Variants in MYO15B observed in about 807,000 individuals in gnomAD.
MYO15B encodes the protein myosin XVB.
In MYO15B, 207 loss-of-function variants were observed where a neutral mutation model predicts 119.3. That is an observed-to-expected ratio of 1.73 (90% confidence interval 1.55 to 1.95). The LOEUF (loss-of-function observed/expected upper bound fraction) is 1.95. Ranked by LOEUF, MYO15B falls within the 30% of genes most tolerant of loss-of-function variation. The pLI is 0.00. For synonymous variants in MYO15B, 966 were observed against 498.9 expected, an observed-to-expected ratio of 1.94 and a Z score of -12.48; for missense variants, 2,264 against 1,203.1, an observed-to-expected ratio of 1.88 and a Z score of -13.04.
chr17:75,589,028 C>T lies in MYO15B; in HGVS notation c.971C>T (p.Ala324Val), dbSNP rs1410496411. Residue 324 changes from alanine (A) to valine (V), a missense_variant, in exon 1 of 64, where the codon GCA (alanine) becomes GTA (valine). By Grantham distance (64) the Ala-to-Val change is moderately conservative. Coordinates refer to ENST00000645453, the Ensembl canonical transcript of MYO15B. The surrounding 1 kb of genome is among the most constrained non-coding windows in gnomAD (Gnocchi z 4.2). ...GGCGAGGGCGAAGCGGGAGCCGCAG[C>T]AGGAGCGGGGCCGGAGGACCCAGCC... 1.3e-5 allele frequency: 5 copies of T among 397,290 alleles called. No individual in the cohort carries two copies. Among genetic ancestry groups the T allele is most frequent in the Non-Finnish European group, 2.2e-5 (5 of 225,238 alleles). 24.6% of individuals were successfully genotyped at this position (397,290 alleles called of 1,614,324 possible).
At chr17:75,604,430 G>C (rs1449838680) in intron 19 of MYO15B, among the ~76,000 whole-genome samples, 1 of 151,448 alleles carries the variant, frequency 6.6e-6, no homozygotes, top group Non-Finnish European at 1.5e-5. Flanking sequence ...ATCTGGACCT[G>C]TGAAATGTCC....
chr17:75,596,841 T>C (rs1241676776), exon 14 of MYO15B: 7 of 702,972 alleles, frequency 1.0e-5, no homozygotes, highest in Non-Finnish European at 1.8e-5. Context: ...CTAGACCTCC[T>C]GGTAGATCAG....
At chr17:75,624,207 C>G in exon 56 of MYO15B, 1 of 702,980 alleles carries the variant, frequency 1.4e-6, no homozygotes, top group Admixed American at 2.0e-5. Flanking sequence ...GCACCTCCAG[C>G]GCACAGTCAA....
chr17:75,608,419 G>A (rs1176607898), intron 21 of MYO15B, among the ~76,000 whole-genome samples: 2 of 151,880 alleles, frequency 1.3e-5, no homozygotes, highest in Non-Finnish European at 2.9e-5. Flanking sequence ...CACTGCACCC[G>A]GCCTTTATTT....
intron 35 of MYO15B, 31 bp from the exon 36 acceptor site, chr17:75,615,662 G>C (rs1414437994): frequency 3.0e-6 from 2 of 668,398 alleles, no homozygotes; most frequent in Middle Eastern, 2.4e-4. Context: ...TCGGGGATGA[G>C]GGTCTGAACT....
chr17:75,592,718 G>A, exon 9 of MYO15B: 1 of 702,108 alleles, frequency 1.4e-6, no homozygotes, highest in Non-Finnish European at 2.6e-6. Context: ...GGATGCCCAG[G>A]ACTTTGAGGG....
At chr17:75,616,931 G>A (rs2058408887) in exon 40 of MYO15B, 1 of 702,834 alleles carries the variant, frequency 1.4e-6, no homozygotes, top group African/African-American at 1.7e-5. Flanking sequence ...TGGCCAAGCT[G>A]GGTATCAACG....
At chr17:75,592,872 G>C (rs1401365211) in intron 9 of MYO15B, 32 bp downstream of exon 9, 1 of 694,794 alleles carries the variant, frequency 1.4e-6, no homozygotes, top group Admixed American at 2.0e-5. Flanking sequence ...GGCCATCTGG[G>C]GTGCTGGGTC....
chr17:75,626,211 T>C (rs771416748), exon 63 of MYO15B: 11 of 703,008 alleles, frequency 1.6e-5, no homozygotes, highest in South Asian at 1.0e-4. Context: ...CCAGACCATC[T>C]GGTTTGAGCT....
At chr17:75,624,479 T>C (rs1227200641) in intron 57 of MYO15B, 32 bp downstream of exon 57, 2 of 703,014 alleles carry the variant, frequency 2.8e-6, no homozygotes, top group Non-Finnish European at 5.2e-6. Flanking sequence ...GGAGGAGGCC[T>C]TGGGCATCAG....
In MYO15B at chr17:75,623,934, C is replaced by T. The variant is rs902958843; in HGVS notation, c.8157-15C>T. The T allele has an allele frequency of 7.8e-5, 55 of 702,738 alleles. No homozygotes were observed. Among genetic ancestry groups the T allele is most frequent in the East Asian group, 1.1e-4 (4 of 37,292 alleles). 43.5% of individuals were successfully genotyped at this position (702,738 alleles called of 1,614,324 possible). ...TGGCCTGGCCAGCCTGAAGCCCGAG[C>T]GCTCTGCCCTGCAGGGAACACTGCA... On this transcript the variant is annotated splice_polypyrimidine_tract_variant and intron_variant, in intron 54 of 63. Transcript: ENST00000645453.
chr17:75,622,153 C>G, intron 53 of MYO15B, 73 bp downstream of exon 53: 1 of 691,812 alleles, frequency 1.4e-6, no homozygotes, highest in Non-Finnish European at 2.7e-6. Context: ...ATCCCCTTCT[C>G]TTGGTCACTG....
At chr17:75,598,809 C>A (rs992258132) in intron 14 of MYO15B, among the ~76,000 whole-genome samples, 1 of 152,020 alleles carries the variant, frequency 6.6e-6, no homozygotes, top group Non-Finnish European at 1.5e-5. Context: ...AAACTTGTCA[C>A]GAGTGTCTTT....
At position 75,603,121 on chromosome 17, in the gene MYO15B, C is replaced by T. The variant is rs755208775; in HGVS notation, c.3891+44C>T. On this transcript the variant is annotated intron_variant, in intron 18 of 63. Coordinates refer to ENST00000645453, the Ensembl canonical transcript of MYO15B. Reference sequence around the variant, plus strand: ...GGCCTCAGGGCCCTCCCCCTCCCTGCACCTCCCTCCCCACAGCTCTAGGCC... The same window carrying T: ...GGCCTCAGGGCCCTCCCCCTCCCTGTACCTCCCTCCCCACAGCTCTAGGCC... 3.1e-5 allele frequency: 22 copies of T among 703,026 alleles called. No homozygotes were observed. The Admixed American group carries it at 3.6e-4, about 12-fold the overall frequency. The allele number at this position is 703,026 out of a possible 1,614,324, so 43.5% of individuals were successfully genotyped here. A position where few individuals can be genotyped will look rare whatever the true frequency, so the allele number is the denominator to read the frequency against.
chr17:75,616,145 T>C (rs1336984133), exon 37 of MYO15B: 1 of 562,598 alleles, frequency 1.8e-6, no homozygotes, highest in African/African-American at 1.9e-5. Flanking sequence ...TTCCAGAGGA[T>C]GGGTGAGGGC....
chr17:75,617,573 G>A, intron 41 of MYO15B: 1 of 332,440 alleles, frequency 3.0e-6, no homozygotes, highest in Non-Finnish European at 5.8e-6. Flanking sequence ...CTGTGAGGAA[G>A]TTAGTGGCCC....
rs1171403747 is a variant in MYO15B at position 75,615,491 on chromosome 17, C to T, written c.5741-12C>T. ...TGGTGCCCACCACTCTGGCCGCCTG[C>T]CGCCCTCACAGCCATGGTGGTGCCG... On this transcript the variant is annotated splice_polypyrimidine_tract_variant and intron_variant, in intron 34 of 63. Coordinates refer to ENST00000645453, the Ensembl canonical transcript of MYO15B. 1.5e-6 allele frequency: 1 copy of T among 685,818 alleles called. No individual in the cohort carries two copies. The highest frequency in any genetic ancestry group is 2.7e-6 in the Non-Finnish European group (1 of 376,126). The allele number at this position is 685,818 out of a possible 1,614,324, so 42.5% of individuals were successfully genotyped here.
chr17:75,593,000 A>G lies in MYO15B; in HGVS notation c.2991+160A>G, dbSNP rs2056578513. 3 of 574,324 alleles carry G rather than the reference A, an allele frequency of 5.2e-6. No homozygotes were observed. The South Asian group carries it at 6.7e-5, about 13-fold the overall frequency. The allele number at this position is 574,324 out of a possible 1,614,324, so 35.6% of individuals were successfully genotyped here. Reference sequence around the variant, plus strand: ...TGTGTAGATGAGAAAGCTGAGACATAGAGCTTCTCCACTCTCCCAATGTCT... The same window carrying G: ...TGTGTAGATGAGAAAGCTGAGACATGGAGCTTCTCCACTCTCCCAATGTCT... On this transcript the variant is annotated intron_variant, in intron 9 of 63. Transcript: ENST00000645453.
At chr17:75,592,055 C>G in exon 6 of MYO15B, 1 of 702,890 alleles carries the variant, frequency 1.4e-6, no homozygotes, top group Admixed American at 2.0e-5. Context: ...CCGCTTCGGC[C>G]AGGTCTTCTG....
Sources: gnomAD v4.1 joint callset for allele counts (sites outside exome capture counted in the v4.1 genomes callset) on GRCh38, gnomAD v4.1.1 for gene constraint, Gnocchi (gnomAD v3.1) non-coding constraint, MANE v1.5 for transcripts, NCBI Gene and HGNC (gene_info 2026-07-23, HGNC 2026-07-21) for gene names.